Variants in DENND4C observed in about 807,000 individuals in gnomAD.
The protein encoded by DENND4C is DENN domain-containing protein 4C.
Under a neutral mutation model 203.0 loss-of-function variants are expected in DENND4C, and 108 were observed. The observed-to-expected ratio is 0.53, with a 90% CI of 0.46 to 0.62. The LOEUF (loss-of-function observed/expected upper bound fraction) is 0.62, where lower values mean the gene tolerates loss of function less well. DENND4C is among the 20% of genes least tolerant of loss of function. DENND4C has a pLI of 0.00. For synonymous variants in DENND4C, 871 were observed against 792.4 expected, an observed-to-expected ratio of 1.10 and a Z score of -1.67; for missense variants, 2,481 against 2,301.2, an observed-to-expected ratio of 1.08 and a Z score of -1.60.
chr9:19,303,768 A>C (rs1429635400), intron 9 of DENND4C, among the ~76,000 whole-genome samples: 1 of 152,204 alleles, frequency 6.6e-6, no homozygotes, highest in Admixed American at 6.5e-5. Flanking sequence ...TGATAATTGA[A>C]CTAGACCTTA....
Position 19,280,236 on chromosome 9 carries a change from A to T in DENND4C, c.305+3757A>T, listed in dbSNP as rs537181336. Among the ~76,000 whole-genome samples the T allele has an allele frequency of 1.6e-4, 24 of 151,270 alleles. No individual in the cohort carries two copies. In the East Asian group the frequency reaches 4.5e-3, roughly 28 times the overall value. ...GCGATCTCGGCTCACTGCAACCTCCACCTCGGGTTCAAGCAATTCTCTGCC... is the reference window on the plus strand; with the variant it reads ...GCGATCTCGGCTCACTGCAACCTCCTCCTCGGGTTCAAGCAATTCTCTGCC... On this transcript the variant is annotated intron_variant, in intron 2 of 32. Transcript: ENST00000434457.
At chr9:19,314,647 G>GA (rs899822548) in intron 10 of DENND4C, among the ~76,000 whole-genome samples, 9 of 151,012 alleles carry the variant, frequency 6.0e-5, no homozygotes, top group Non-Finnish European at 1.0e-4. Context: ...GACTTGCTTA[G>GA]AAAAAAAAAC....
chr9:19,296,052 A>G lies in DENND4C; in HGVS notation c.846A>G (p.Glu282=). The change falls in exon 6 of 33, where the codon GAA becomes GAG. Residue 282 remains glutamate, a synonymous_variant. Coordinates refer to ENST00000434457, the MANE Select transcript of DENND4C (RefSeq NM_001330640.2). ...AIQFYEPYSR[E]LLSEKQLMHL... is the part of the protein sequence containing the mutation. ...AGTTTTATGAACCTTACTCTCGGGA[A>G]CTTCTATCAGAGAAACAGCTTATGC... 5 of 1,614,130 alleles carry G rather than the reference A, an allele frequency of 3.1e-6. No individual in the cohort carries two copies. Among genetic ancestry groups the G allele is most frequent in the Non-Finnish European group, 4.2e-6 (5 of 1,179,998 alleles).
intron 1 of DENND4C, among the ~76,000 whole-genome samples, chr9:19,235,767 C>T (rs530761414): frequency 5.9e-5 from 9 of 152,078 alleles, no homozygotes; most frequent in South Asian, 4.1e-4. Flanking sequence ...CCCGCCACCA[C>T]GCCTGGCTGA....
At chr9:19,359,753 T>A (rs1826083426) in intron 28 of DENND4C, among the ~76,000 whole-genome samples, 1 of 152,190 alleles carries the variant, frequency 6.6e-6, no homozygotes, top group African/African-American at 2.4e-5. Flanking sequence ...TTTTTTCATT[T>A]CTTATTTTAT....
intron 31 of DENND4C, 190 bp from the exon 32 acceptor site, chr9:19,371,566 C>CTA: frequency 5.2e-6 from 2 of 382,984 alleles, no homozygotes; most frequent in Non-Finnish European, 9.4e-6. Flanking sequence ...TCAATGTAGC[C>CTA]TTCACACAGC....
intron 24 of DENND4C, 66 bp downstream of exon 24, chr9:19,350,945 A>C: frequency 2.0e-6 from 3 of 1,473,198 alleles, no homozygotes; most frequent in Non-Finnish European, 2.7e-6. Flanking sequence ...TTTTTAATTT[A>C]AGAGACGGGG....
chr9:19,331,830 C>T (rs1304864709), intron 16 of DENND4C, 148 bp from the exon 17 acceptor site: 4 of 642,694 alleles, frequency 6.2e-6, no homozygotes, highest in Admixed American at 2.8e-5. Context: ...CACTGATAAG[C>T]AGGAAGCCAC....
intron 28 of DENND4C, among the ~76,000 whole-genome samples, chr9:19,359,800 G>T (rs776770633): frequency 5.3e-5 from 8 of 151,964 alleles, no homozygotes; most frequent in Admixed American, 6.6e-5. Context: ...AATTCCTTCA[G>T]TTTTTGTTGC....
At chr9:19,313,247 T>C (rs1841099270) in intron 10 of DENND4C, among the ~76,000 whole-genome samples, 1 of 152,218 alleles carries the variant, frequency 6.6e-6, no homozygotes, top group Non-Finnish European at 1.5e-5. Context: ...GACTTTAAAA[T>C]ACTTTAATTG....
rs148517595 is a variant in DENND4C, at chr9:19,316,628, A to G, written c.1596A>G (p.Gln532=). 1.2e-6 allele frequency: 2 copies of G among 1,612,914 alleles called. No individual in the cohort carries two copies. The highest frequency in any genetic ancestry group is 2.2e-5 in the East Asian group (1 of 44,876). Residue 532 remains glutamine (Q), a synonymous_variant, in exon 12 of 33, where the codon CAA becomes CAG. Transcript: ENST00000434457. ...KLYPQLSSVH[Q]KTQEGSAIDM... ...TTTTATTTCCTTTGTTAGTTCACCA[A>G]AAAACTCAAGAAGGCTCAGCGATTG...
chr9:19,311,162 C>T (rs917631703), intron 10 of DENND4C, among the ~76,000 whole-genome samples: 1 of 152,062 alleles, frequency 6.6e-6, no homozygotes, highest in Non-Finnish European at 1.5e-5. Context: ...CTCTGTCTCC[C>T]ACGCTGGATG....
intron 1 of DENND4C, among the ~76,000 whole-genome samples, chr9:19,244,739 CAA>C (rs11459976): frequency 2.4e-3 from 348 of 142,392 alleles, no homozygotes; most frequent in African/African-American, 2.7e-3. Context: ...GACCCCACCT[CAA>C]AAAAAAAAAA....
chr9:19,309,467 G>A (rs534932515), intron 10 of DENND4C, among the ~76,000 whole-genome samples: 4 of 151,742 alleles, frequency 2.6e-5, no homozygotes, highest in African/African-American at 9.7e-5. Context: ...ACACAATTCC[G>A]TGAATATGAT....
chr9:19,281,160 A>G (rs1441752359), intron 2 of DENND4C, among the ~76,000 whole-genome samples: 1 of 152,218 alleles, frequency 6.6e-6, no homozygotes, highest in Non-Finnish European at 1.5e-5. Flanking sequence ...TTAAAAATAA[A>G]ATGATGACTT....
At chr9:19,241,008 C>A (rs1823557214) in intron 1 of DENND4C, among the ~76,000 whole-genome samples, 1 of 152,032 alleles carries the variant, frequency 6.6e-6, no homozygotes, top group Non-Finnish European at 1.5e-5. Flanking sequence ...GAACACAGAA[C>A]AGGACAGATA....
At chr9:19,283,522 A>G (rs1244537422) in intron 2 of DENND4C, among the ~76,000 whole-genome samples, 1 of 152,018 alleles carries the variant, frequency 6.6e-6, no homozygotes, top group Non-Finnish European at 1.5e-5. Context: ...CTGTGCTTGC[A>G]TCATCATTAT....
chr9:19,245,257 A>G (rs1824867572), intron 1 of DENND4C, among the ~76,000 whole-genome samples: 1 of 151,462 alleles, frequency 6.6e-6, no homozygotes, highest in South Asian at 2.1e-4. Flanking sequence ...TCACGAGGTC[A>G]GGAGATCGAG....
rs955111021 is a variant in DENND4C, at chr9:19,320,725, C to G, written c.1808-3637C>G. ...TCTTATGAGGCACATACATGTCTGGCTGTCCTACTTTTAGTGTTCCTAATA... is the reference window on the plus strand; with the variant it reads ...TCTTATGAGGCACATACATGTCTGGGTGTCCTACTTTTAGTGTTCCTAATA... On this transcript the variant is annotated intron_variant, in intron 12 of 32. Transcript: ENST00000434457. Among the ~76,000 whole-genome samples the G allele has an allele frequency of 1.4e-4, 22 of 152,310 alleles. 2 individuals are homozygous for G. The highest frequency in any genetic ancestry group is 4.6e-4 in the Admixed American group (7 of 15,286).
Sources: gnomAD v4.1 joint callset for allele counts (sites outside exome capture counted in the v4.1 genomes callset) on GRCh38, gnomAD v4.1.1 for gene constraint, MANE v1.5 for transcripts, NCBI Gene and HGNC (gene_info 2026-07-23, HGNC 2026-07-21) for gene names.